Variants in CKMT2 observed in about 807,000 individuals in gnomAD.
CKMT2 encodes creatine kinase S-type, mitochondrial.
In CKMT2, 43 loss-of-function variants were observed where a neutral mutation model predicts 48.9. The observed-to-expected ratio is 0.88, with a 90% CI of 0.69 to 1.13. The LOEUF (loss-of-function observed/expected upper bound fraction) is 1.13. Ranked by LOEUF, CKMT2 falls within the 50% of genes most tolerant of loss-of-function variation. The pLI is 0.00. For synonymous variants in CKMT2, 206 were observed against 213.0 expected (o/e 0.97, Z 0.29); for missense variants, 472 against 555.4 (o/e 0.85, Z 1.51).
At chr5:81,248,717 C>T (rs895366843) in intron 1 of CKMT2, among the ~76,000 whole-genome samples, 9 of 152,292 alleles carry the variant, frequency 5.9e-5, no homozygotes, top group African/African-American at 9.6e-5. Context: ...GATATTAGCA[C>T]GGAAGAAGAA....
chr5:81,234,782 C>T (rs1756202625), intron 1 of CKMT2, among the ~76,000 whole-genome samples: 1 of 152,000 alleles, frequency 6.6e-6, no homozygotes, highest in African/African-American at 2.4e-5. Flanking sequence ...ATGGGGAGTC[C>T]TGGGGTTTCA....
At chr5:81,233,609 C>A (rs1014639692) in intron 1 of CKMT2, among the ~76,000 whole-genome samples, 1 of 152,112 alleles carries the variant, frequency 6.6e-6, no homozygotes, top group African/African-American at 2.4e-5. Flanking sequence ...AGGAGCAGAA[C>A]AAATCAGCAC....
Position 81,255,203 on chromosome 5 carries a change from C to T in CKMT2, c.658C>T (p.Arg220Trp), listed in dbSNP as rs370722077. 10 of 1,613,800 alleles carry T rather than the reference C, an allele frequency of 6.2e-6. No homozygotes were observed. Among genetic ancestry groups the T allele is most frequent in the African/African-American group, 4.0e-5 (3 of 74,932 alleles). ...LSEMTEQDQQ[R>W]LIDDHFLFDK... is the part of the protein sequence containing the mutation. Reference sequence around the variant, plus strand: ...CGAGATGACGGAGCAGGACCAGCAGCGGCTCATCGATGTGAGTAGCAGATG... The same window carrying T: ...CGAGATGACGGAGCAGGACCAGCAGTGGCTCATCGATGTGAGTAGCAGATG... The change falls in exon 5 of 10, where the codon CGG becomes TGG. Residue 220 changes from arginine to tryptophan, a missense_variant. Transcript: ENST00000254035.
chr5:81,251,044 C>T, intron 1 of CKMT2, 69 bp from the exon 2 acceptor site: 1 of 1,218,358 alleles, frequency 8.2e-7, no homozygotes. Context: ...TTCTCTTGCC[C>T]ATTGACCCCT....
chr5:81,252,599 G>C, intron 2 of CKMT2, 96 bp from the exon 3 acceptor site: 1 of 1,268,422 alleles, frequency 7.9e-7, no homozygotes, highest in East Asian at 2.3e-5. Context: ...ACTGGCTGAA[G>C]GGAGCCTAGT....
chr5:81,233,937 C>T (rs750728), intron 1 of CKMT2, among the ~76,000 whole-genome samples: 39,268 of 150,582 alleles, frequency 0.26, 5,519 homozygotes, highest in Admixed American at 0.38. Context: ...TCAGTTTTGC[C>T]GTCACTAATA....
Position 81,233,324 on chromosome 5 carries a change from A to C in CKMT2, c.-74A>C. The C allele has an allele frequency of 1.0e-6, 1 of 985,788 alleles. No homozygotes were observed. The highest frequency in any genetic ancestry group is 1.2e-6 in the Non-Finnish European group (1 of 830,258). 61.1% of individuals were successfully genotyped at this position (985,788 alleles called of 1,614,324 possible). ...GGCCGGCCCGACCAGCTCGCCCTGCATACACTTCTTGGCTGTGTGCGCTCA... is the reference window on the plus strand; with the variant it reads ...GGCCGGCCCGACCAGCTCGCCCTGCCTACACTTCTTGGCTGTGTGCGCTCA... On this transcript the variant is annotated 5_prime_UTR_variant, in exon 1 of 10. Transcript: ENST00000254035.
At chr5:81,236,601 G>C (rs1756251106) in intron 1 of CKMT2, among the ~76,000 whole-genome samples, 3 of 152,194 alleles carry the variant, frequency 2.0e-5, no homozygotes, top group Admixed American at 1.3e-4. Context: ...CGGTGTATAG[G>C]GTTGGAAAGG....
intron 1 of CKMT2, chr5:81,244,847 ATTTTTTTTT>A (rs71000809): frequency 1.8e-5 from 2 of 113,626 alleles, no homozygotes; most frequent in Non-Finnish European, 3.6e-5. Context: ...CCCCCTCACT[ATTTTTTTTT>A]TTTTTTTTTT....
Position 81,244,001 on chromosome 5 carries a change from G to T in CKMT2, c.-20-7112G>T, listed in dbSNP as rs1160199940. The T allele has an allele frequency of 6.1e-6, 6 of 983,406 alleles. No individual in the cohort carries two copies. In the African/African-American group the frequency reaches 1.0e-4, roughly 17 times the overall value. 60.9% of individuals were successfully genotyped at this position (983,406 alleles called of 1,614,324 possible). A position where few individuals can be genotyped will look rare whatever the true frequency, so the allele number is the denominator to read the frequency against. On this transcript the variant is annotated intron_variant, in intron 1 of 9. Transcript: ENST00000254035. ...AGCCACCATGCCCAGTCCCTAATAT[G>T]ATCTTATTTAGTTGACATTTGCCTC...
chr5:81,257,643 T>C (rs1757058905), intron 6 of CKMT2, 90 bp from the exon 7 acceptor site: 4 of 1,157,528 alleles, frequency 3.5e-6, no homozygotes, highest in Non-Finnish European at 2.4e-6. Flanking sequence ...GAAGGTGAAA[T>C]GAAGCAATCA....
At chr5:81,248,553 T>C (rs972227162) in intron 1 of CKMT2, among the ~76,000 whole-genome samples, 1 of 152,218 alleles carries the variant, frequency 6.6e-6, no homozygotes, top group Non-Finnish European at 1.5e-5. Context: ...ACTGACATGA[T>C]GACCTGAAAT....
At chr5:81,239,699 T>C (rs1184244793) in intron 1 of CKMT2, among the ~76,000 whole-genome samples, 1 of 152,148 alleles carries the variant, frequency 6.6e-6, no homozygotes, top group Non-Finnish European at 1.5e-5. Flanking sequence ...GTCTGTCCCA[T>C]AGCCAACCAT....
At position 81,257,787 on chromosome 5, in the gene CKMT2, G is replaced by A; in HGVS notation, c.810G>A (p.Arg270=). The A allele has an allele frequency of 6.2e-7, 1 of 1,612,962 alleles. No individual in the cohort carries two copies. Among genetic ancestry groups the A allele is most frequent in the Non-Finnish European group, 8.5e-7 (1 of 1,179,044 alleles). The change falls in exon 7 of 10, where the codon AGG becomes AGA. Residue 270 remains arginine (R), a synonymous_variant. Transcript: ENST00000254035. ...GGATAAATGAGGAGGATCACACCAG[G>A]GTAATCTCAATGGAAAAAGGAGGCA... The part of the protein sequence containing the change: ...LIWINEEDHT[R]VISMEKGGNM...
At chr5:81,260,685 T>A (rs1350752443) in intron 8 of CKMT2, among the ~76,000 whole-genome samples, 1 of 152,214 alleles carries the variant, frequency 6.6e-6, no homozygotes, top group African/African-American at 2.4e-5. Flanking sequence ...AATCTCTGAA[T>A]AGACCAAAAA....
chr5:81,250,917 A>T (rs1756781679), intron 1 of CKMT2, 196 bp from the exon 2 acceptor site: 2 of 353,824 alleles, frequency 5.7e-6, no homozygotes, highest in Non-Finnish European at 1.0e-5. Context: ...AATATGAAGA[A>T]AAAAGCAAAG....
At chr5:81,266,018 G>C in intron 9 of CKMT2, 121 bp from the exon 10 acceptor site, 1 of 776,480 alleles carries the variant, frequency 1.3e-6, no homozygotes, top group East Asian at 2.6e-5. Flanking sequence ...TGAGAAGGAA[G>C]GAATTGTTGT....
intron 8 of CKMT2, among the ~76,000 whole-genome samples, chr5:81,260,315 G>C (rs1757169675): frequency 6.6e-6 from 1 of 152,076 alleles, no homozygotes; most frequent in African/African-American, 2.4e-5. Flanking sequence ...AAGAGCTAGA[G>C]AAGTGAAAGC....
chr5:81,244,234 G>T, intron 1 of CKMT2: 1 of 977,116 alleles, frequency 1.0e-6, no homozygotes, highest in South Asian at 4.7e-5. Flanking sequence ...ATGCATCATG[G>T]CTCATAGAAA....
Sources: allele counts gnomAD v4.1 joint callset (sites outside exome capture counted in the v4.1 genomes callset), GRCh38; gene constraint gnomAD v4.1.1; transcripts MANE v1.5; gene names NCBI Gene and HGNC (gene_info 2026-07-23, HGNC 2026-07-21).